The following DCC variants were observed in gnomAD, a reference collection of about 807,000 sequenced individuals.
DCC encodes DCC netrin 1 receptor, also known as netrin receptor DCC.
DCC carries 58 observed loss-of-function variants against 172.5 expected under a neutral mutation model. The ratio of observed to expected loss-of-function variants is 0.34; its 90% CI spans 0.27 to 0.42. The LOEUF (loss-of-function observed/expected upper bound fraction) is 0.42. DCC is among the 10% of genes least tolerant of loss of function. The pLI is 1.00. For synonymous variants in DCC, 709 were observed against 644.5 expected (o/e 1.10, Z -1.52); for missense variants, 1,740 against 1,791.0 (o/e 0.97, Z 0.51).
chr18:52,521,164 T>C (rs1405116688), intron 1 of DCC, among the ~76,000 whole-genome samples: 5 of 144,752 alleles, frequency 3.5e-5, no homozygotes, highest in Non-Finnish European at 4.7e-5. Flanking sequence ...AAAAAATGCA[T>C]ACTTGAATTG....
At chr18:52,507,109 A>G (rs1317738801) in intron 1 of DCC, among the ~76,000 whole-genome samples, 1 of 152,170 alleles carries the variant, frequency 6.6e-6, no homozygotes, top group African/African-American at 2.4e-5. Flanking sequence ...CTAACTCAAG[A>G]TAAGATGCTA....
At chr18:52,643,147 A>C (rs1371467132) in intron 1 of DCC, among the ~76,000 whole-genome samples, 7 of 152,200 alleles carry the variant, frequency 4.6e-5, no homozygotes, top group Admixed American at 2.6e-4. Flanking sequence ...AAAAAGGGAG[A>C]AAAATCAATG....
chr18:52,551,945 G>A (rs557439728), intron 1 of DCC, among the ~76,000 whole-genome samples: 1 of 152,126 alleles, frequency 6.6e-6, no homozygotes, highest in East Asian at 1.9e-4. Context: ...ATGTATATTG[G>A]AATCGTGTGT....
intron 5 of DCC, among the ~76,000 whole-genome samples, chr18:53,025,486 C>G (rs1014848827): frequency 6.6e-6 from 1 of 152,074 alleles, no homozygotes; most frequent in Non-Finnish European, 1.5e-5. Context: ...TGTAATCTGA[C>G]TTGAGGCGCA....
intron 2 of DCC, among the ~76,000 whole-genome samples, chr18:52,807,855 C>T (rs2038117082): frequency 6.6e-6 from 1 of 152,084 alleles, no homozygotes; most frequent in South Asian, 2.1e-4. Context: ...AGGGAGGGAT[C>T]ATCCAATCAT....
intron 2 of DCC, among the ~76,000 whole-genome samples, chr18:52,888,712 G>A (rs2039604390): frequency 6.6e-6 from 1 of 151,908 alleles, no homozygotes; most frequent in South Asian, 2.1e-4. Context: ...AATGCCCTGT[G>A]ATAAGATTGC....
chr18:52,507,200 TTGTTATTATTATTAATG>T (rs1413168179), intron 1 of DCC, among the ~76,000 whole-genome samples: 1 of 152,202 alleles, frequency 6.6e-6, no homozygotes, highest in Non-Finnish European at 1.5e-5. Flanking sequence ...TGGTTCCCCC[TTGTTATTATTATTAATG>T]TGAGCCAATC....
chr18:52,830,622 T>G (rs2038596928), intron 2 of DCC, among the ~76,000 whole-genome samples: 1 of 152,180 alleles, frequency 6.6e-6, no homozygotes, highest in Non-Finnish European at 1.5e-5. Context: ...GATCTTCTAC[T>G]CTTGAATTAG....
Position 53,351,400 on chromosome 18 carries a change from T to TATATATATATACA in DCC, c.2359+11493_2359+11494insATATATATATACA, listed in dbSNP as rs2057803696. Among the ~76,000 whole-genome samples, 8 of 10,476 alleles carry TATATATATATACA rather than the reference T, an allele frequency of 7.6e-4. 1 individual carries two copies. Among genetic ancestry groups the TATATATATATACA allele is most frequent in the South Asian group, 6.7e-3 (1 of 150 alleles). 6.9% of individuals were successfully genotyped at this position (10,476 alleles called of 152,430 possible). ...ATATATACAGTATATATATATACAG[T>TATATATATATACA]GTATATATATATATATACACACTGT... On this transcript the variant is annotated intron_variant, in intron 15 of 28. Coordinates refer to ENST00000442544, the MANE Select transcript of DCC (RefSeq NM_005215.4).
intron 13 of DCC, among the ~76,000 whole-genome samples, chr18:53,314,516 G>A (rs1004780264): frequency 7.9e-5 from 12 of 152,246 alleles, no homozygotes; most frequent in African/African-American, 1.9e-4. Context: ...AGTTATCTCC[G>A]TTGCTGAATT....
At chr18:52,789,708 G>T (rs552299976) in intron 2 of DCC, among the ~76,000 whole-genome samples, 4 of 152,226 alleles carry the variant, frequency 2.6e-5, no homozygotes, top group Admixed American at 2.6e-4. Context: ...TTGCAAAATT[G>T]TGACTGAGAC....
chr18:52,533,228 C>T (rs1028200557), intron 1 of DCC, among the ~76,000 whole-genome samples: 6 of 152,020 alleles, frequency 3.9e-5, no homozygotes, highest in African/African-American at 7.2e-5. Context: ...AATCTTATTC[C>T]GACTTCCAGT....
At chr18:52,527,390 G>A (rs1174415083) in intron 1 of DCC, among the ~76,000 whole-genome samples, 1 of 152,202 alleles carries the variant, frequency 6.6e-6, no homozygotes, top group Non-Finnish European at 1.5e-5. Flanking sequence ...CATAGCTGGT[G>A]ATTCCACCAA....
At chr18:53,488,035 A>C (rs974412284) in intron 26 of DCC, among the ~76,000 whole-genome samples, 1 of 152,180 alleles carries the variant, frequency 6.6e-6, no homozygotes, top group Non-Finnish European at 1.5e-5. Flanking sequence ...GACAAGTTTT[A>C]ATGTTAGTTT....
chr18:52,572,646 G>A (rs2033326462), intron 1 of DCC, among the ~76,000 whole-genome samples: 1 of 152,204 alleles, frequency 6.6e-6, no homozygotes, highest in Non-Finnish European at 1.5e-5. Context: ...GCCCTGCCCA[G>A]AGGTGCAGCC....
At chr18:52,381,496 G>C (rs898630579) in intron 1 of DCC, among the ~76,000 whole-genome samples, 3 of 152,082 alleles carry the variant, frequency 2.0e-5, no homozygotes, top group Non-Finnish European at 4.4e-5. Context: ...ACAGGAGCAG[G>C]AGCAACATTG....
chr18:53,200,902 C>T (rs1313262082), intron 9 of DCC, among the ~76,000 whole-genome samples: 1 of 152,126 alleles, frequency 6.6e-6, no homozygotes, highest in Non-Finnish European at 1.5e-5. Context: ...TTCCGTGCCA[C>T]ACTTGGAACC....
intron 14 of DCC, among the ~76,000 whole-genome samples, chr18:53,326,182 C>T (rs2057466342): frequency 6.6e-6 from 1 of 152,066 alleles, no homozygotes; most frequent in South Asian, 2.1e-4. Flanking sequence ...GTGATATACA[C>T]ATAAGCAATC....
At chr18:52,667,004 G>C (rs974571262) in intron 1 of DCC, among the ~76,000 whole-genome samples, 1 of 152,112 alleles carries the variant, frequency 6.6e-6, no homozygotes, top group African/African-American at 2.4e-5. Context: ...TTCTGTAAAA[G>C]TTATGTTGAC....
Sources: gnomAD v4.1 joint callset for allele counts (sites outside exome capture counted in the v4.1 genomes callset) on GRCh38, gnomAD v4.1.1 for gene constraint, MANE v1.5 for transcripts, NCBI Gene and HGNC (gene_info 2026-07-23, HGNC 2026-07-21) for gene names.